Variants in RUVBL1 observed in about 807,000 individuals in gnomAD.
RUVBL1 encodes ruvB-like 1.
In RUVBL1, 4 loss-of-function variants were observed where a neutral mutation model predicts 52.4. That is an observed-to-expected ratio of 0.08 (90% CI 0.04 to 0.17). The LOEUF (loss-of-function observed/expected upper bound fraction) is 0.17. RUVBL1 is among the 10% of genes least tolerant of loss of function. The pLI, the probability that RUVBL1 is intolerant of heterozygous loss-of-function variation, is 1.00. For synonymous variants in RUVBL1, 217 were observed against 214.4 expected (o/e 1.01, Z -0.10); for missense variants, 298 against 572.8 (o/e 0.52, Z 4.90).
chr3:128,117,018 T>C (rs553476681), intron 2 of RUVBL1, among the ~76,000 whole-genome samples: 20 of 152,268 alleles, frequency 1.3e-4, no homozygotes, highest in African/African-American at 4.8e-4. Context: ...AGAAATAAAC[T>C]AGAGAAAAAG....
At position 128,134,822 on chromosome 3, in the gene RUVBL1, G is replaced by C. The variant is rs528827966; in HGVS notation, c.-39-15408C>G. Among the ~76,000 whole-genome samples the C allele has an allele frequency of 3.3e-5, 5 of 150,916 alleles. No homozygotes were observed. In the South Asian group the frequency reaches 1.0e-3, roughly 32 times the overall value. On this transcript the variant is annotated intron_variant, in intron 1 of 9. Coordinates refer to the RUVBL1 transcript ENST00000464873. ...AAAAAAAAGAAGAGGAAGATGAAAA[G>C]GAAAATAAAATGCAAAGAGGGGAAA... is the stretch of plus-strand genomic sequence containing the variant.
intron 1 of RUVBL1, among the ~76,000 whole-genome samples, chr3:128,133,259 A>C (rs1466885552): frequency 6.6e-6 from 1 of 151,916 alleles, no homozygotes; most frequent in Non-Finnish European, 1.5e-5. Context: ...AAGGTTTCTG[A>C]CTCCAGGCCC....
At position 128,080,853 on chromosome 3, in the gene RUVBL1, C is replaced by T; in HGVS notation, c.*397G>A. The T allele has an allele frequency of 1.1e-5, 2 of 177,066 alleles. No individual in the cohort carries two copies. The highest frequency in any genetic ancestry group is 1.4e-4 in the South Asian group (1 of 7,334). The allele number at this position is 177,066 out of a possible 1,614,324, so 11.0% of individuals were successfully genotyped here. On this transcript the variant is annotated 3_prime_UTR_variant, in exon 11 of 11. Coordinates refer to ENST00000322623, the MANE Select transcript of RUVBL1 (RefSeq NM_003707.3). ...ATAATGCATCAGTATTGGTCATTCACGGTGACAAATGTGCTATCTGATGTA... is the reference window on the plus strand; with the variant it reads ...ATAATGCATCAGTATTGGTCATTCATGGTGACAAATGTGCTATCTGATGTA...
At chr3:128,121,016 G>C (rs971445241) in intron 1 of RUVBL1, among the ~76,000 whole-genome samples, 1 of 152,048 alleles carries the variant, frequency 6.6e-6, no homozygotes, top group Non-Finnish European at 1.5e-5. Flanking sequence ...ATGTGTGTGG[G>C]TATGCTATAT....
At chr3:128,152,991 C>CCGCCCCCCCCGCCCCCCTT (rs1450296529) in intron 1 of RUVBL1, among the ~76,000 whole-genome samples, 3 of 32,332 alleles carry the variant, frequency 9.3e-5, no homozygotes, top group Admixed American at 3.0e-4. Flanking sequence ...CCCGCCCACC[C>CCGCCCCCCCCGCCCCCCTT]CGCCCCCCCC....
chr3:128,109,390 T>A (rs938863249), intron 3 of RUVBL1, among the ~76,000 whole-genome samples: 10 of 149,634 alleles, frequency 6.7e-5, no homozygotes, highest in African/African-American at 2.2e-4. Context: ...ACAAAAACAA[T>A]TTTTTTTTTG....
At chr3:128,094,943 A>T (rs1942935658) in intron 8 of RUVBL1, among the ~76,000 whole-genome samples, 1 of 152,248 alleles carries the variant, frequency 6.6e-6, no homozygotes, top group African/African-American at 2.4e-5. Flanking sequence ...ACATAGTGCC[A>T]AAATTCTCTT....
At chr3:128,137,649 C>G (rs1485830878) in intron 1 of RUVBL1, among the ~76,000 whole-genome samples, 1 of 152,098 alleles carries the variant, frequency 6.6e-6, no homozygotes, top group Non-Finnish European at 1.5e-5. Context: ...CAAACTATCC[C>G]AAAAAATAGA....
At chr3:128,129,316 G>A (rs560434586) in intron 1 of RUVBL1, among the ~76,000 whole-genome samples, 2 of 152,124 alleles carry the variant, frequency 1.3e-5, no homozygotes, top group Non-Finnish European at 2.9e-5. Context: ...CAATTAACAG[G>A]TCAAGAAGAA....
chr3:128,118,358 A>C (rs1943573088), intron 2 of RUVBL1, among the ~76,000 whole-genome samples: 1 of 152,230 alleles, frequency 6.6e-6, no homozygotes, highest in Non-Finnish European at 1.5e-5. Context: ...TCATTTCAAA[A>C]TTATAATGCA....
At chr3:128,152,213 A>C (rs1559842644) in intron 1 of RUVBL1, among the ~76,000 whole-genome samples, 1 of 152,174 alleles carries the variant, frequency 6.6e-6, no homozygotes, top group Non-Finnish European at 1.5e-5. Context: ...ATCTAGTGAG[A>C]GTTGTCGACC....
chr3:128,135,726 A>G (rs1174547252), intron 1 of RUVBL1, among the ~76,000 whole-genome samples: 2 of 152,252 alleles, frequency 1.3e-5, no homozygotes, highest in Admixed American at 6.5e-5. Flanking sequence ...CTGAAAGAAA[A>G]GGATGTTAAT....
chr3:128,082,971 G>GATAC lies in RUVBL1; in HGVS notation c.1120-398_1120-397insGTAT. On this transcript the variant is annotated intron_variant, in intron 9 of 10. Transcript: ENST00000322623. This position sits in a 1 kb window ranked among gnomAD's most constrained non-coding sequence, Gnocchi z 4.7. ...GGGCTCTAACCTTCCTCTCCAGCAT[G>GATAC]GGCACTACTGCCTACAAGCACTCAG... 1.2e-5 allele frequency: 2 copies of GATAC among 165,656 alleles called. No homozygotes were observed. Among genetic ancestry groups the GATAC allele is most frequent in the South Asian group, 3.1e-4 (2 of 6,446 alleles). The allele number at this position is 165,656 out of a possible 1,614,324, so 10.3% of individuals were successfully genotyped here. A position where few individuals can be genotyped will look rare whatever the true frequency, so the allele number is the denominator to read the frequency against.
chr3:128,153,317 T>G (rs1323709874), exon 1 of RUVBL1: 1 of 1,368,334 alleles, frequency 7.3e-7, no homozygotes, highest in East Asian at 3.1e-5. Flanking sequence ...TGACCTCCAG[T>G]TCCTAGACCA....
chr3:128,130,744 G>T (rs1576484060), intron 1 of RUVBL1, among the ~76,000 whole-genome samples: 1 of 151,608 alleles, frequency 6.6e-6, no homozygotes, highest in East Asian at 1.9e-4. Flanking sequence ...TCCACCTCTC[G>T]AGTTCATGCC....
rs758640768 is a variant in RUVBL1, at chr3:128,065,732, AT to A, written c.940-513del. Among the ~76,000 whole-genome samples the A allele has an allele frequency of 3.3e-3, 325 of 97,494 alleles. 1 individual carries two copies. The highest frequency in any genetic ancestry group is 0.011 in the African/African-American group (262 of 24,132). The allele number at this position is 97,494 out of a possible 152,430, so 64.0% of individuals were successfully genotyped here. On this transcript the variant is annotated intron_variant, in intron 9 of 9. Transcript: ENST00000464873. ...AGAATTTGCAGTCAGATCATTAAGA[AT>A]TTTTTTTTTTTTTTTTTTTTTGAGA...
chr3:128,121,410 C>G (rs1362206247), intron 1 of RUVBL1, among the ~76,000 whole-genome samples: 1 of 149,374 alleles, frequency 6.7e-6, no homozygotes, highest in Non-Finnish European at 1.5e-5. Flanking sequence ...TGCTATATTT[C>G]TAAATAGATA....
At chr3:128,119,235 T>G (rs1943589483) in intron 2 of RUVBL1, 93 bp downstream of exon 2, 1 of 860,344 alleles carries the variant, frequency 1.2e-6, no homozygotes, top group Non-Finnish European at 1.8e-6. Flanking sequence ...CCCATTTAGC[T>G]AAACAAAGAC....
chr3:128,097,560 TCTC>T, intron 7 of RUVBL1, 62 bp from the exon 8 acceptor site: 1 of 1,447,200 alleles, frequency 6.9e-7, no homozygotes, highest in Non-Finnish European at 9.7e-7. Flanking sequence ...TATCGCCTTT[TCTC>T]CTCCACCTGA....
Sources: allele counts gnomAD v4.1 joint callset (sites outside exome capture counted in the v4.1 genomes callset), GRCh38; gene constraint gnomAD v4.1.1; non-coding constraint Gnocchi (gnomAD v3.1); transcripts MANE v1.5; gene names NCBI Gene and HGNC (gene_info 2026-07-23, HGNC 2026-07-21).